The following DMD variants were observed in gnomAD, a reference collection of about 807,000 sequenced individuals.
DMD encodes dystrophin, also known as mutant dystrophin.
Under a neutral mutation model 330.1 loss-of-function variants are expected in DMD, and 63 were observed. The observed-to-expected ratio is 0.19, with a 90% confidence interval of 0.16 to 0.24. DMD has a LOEUF of 0.24. Ranked by LOEUF, DMD falls within the 10% of genes least tolerant of loss-of-function variation. The probability of loss-of-function intolerance (pLI) is 1.00; values close to 1 mark genes in which losing one functional copy is unlikely to be tolerated. For missense variants in DMD, 3,344 were observed against 2,684.1 expected (o/e 1.25, Z -5.43); for synonymous variants, 1,223 against 959.8 (o/e 1.27, Z -5.07).
chrX:32,532,694 G>A (rs1277731436), intron 17 of DMD, among the ~76,000 whole-genome samples: 1 of 111,977 alleles, frequency 8.9e-6, no homozygotes. Context: ...TTTTTAACTG[G>A]CTTTAAGCCC....
intron 67 of DMD, among the ~76,000 whole-genome samples, chrX:31,189,587 C>G (rs893392509): frequency 1.8e-5 from 2 of 111,509 alleles, no homozygotes; most frequent in African/African-American, 6.5e-5. Flanking sequence ...TCTCAGATAA[C>G]AAGAAACCAC....
chrX:32,853,082 G>A (rs965340364), intron 2 of DMD, among the ~76,000 whole-genome samples: 1 of 112,317 alleles, frequency 8.9e-6, no homozygotes, highest in Non-Finnish European at 1.9e-5. Context: ...AAGTGCTGAA[G>A]GAAAAGACCC....
chrX:32,648,055 C>G (rs1198590935), intron 9 of DMD, among the ~76,000 whole-genome samples: 1 of 111,904 alleles, frequency 8.9e-6, no homozygotes, highest in Non-Finnish European at 1.9e-5. Context: ...ATACTTTACA[C>G]TGTGCAATTT....
intron 44 of DMD, among the ~76,000 whole-genome samples, chrX:32,198,002 A>G (rs1049855208): frequency 8.9e-6 from 1 of 111,897 alleles, no homozygotes; most frequent in African/African-American, 3.2e-5. Context: ...GATTTTAAAA[A>G]AGGCGTTGTT....
At chrX:33,167,149 C>T (rs898783626) in intron 1 of DMD, among the ~76,000 whole-genome samples, 2 of 111,402 alleles carry the variant, frequency 1.8e-5, no homozygotes, top group East Asian at 5.6e-4. Context: ...TAGGAAACAA[C>T]GCTTGAATAA....
At chrX:31,551,198 G>T (rs868563439) in intron 55 of DMD, among the ~76,000 whole-genome samples, 3 of 79,875 alleles carry the variant, frequency 3.8e-5, no homozygotes, top group African/African-American at 1.1e-4. Flanking sequence ...AAAAAAAAAA[G>T]AGGTATTTAT....
At chrX:32,076,504 C>T (rs1233515293) in intron 44 of DMD, among the ~76,000 whole-genome samples, 2 of 108,266 alleles carry the variant, frequency 1.8e-5, no homozygotes, top group Non-Finnish European at 3.8e-5. Flanking sequence ...CTCAGCCTCC[C>T]GAGTAGCTGG....
intron 1 of DMD, among the ~76,000 whole-genome samples, chrX:33,030,208 G>A (rs1167063044): frequency 9.0e-6 from 1 of 111,600 alleles, no homozygotes; most frequent in Admixed American, 9.5e-5. Context: ...CTTCCCGTGG[G>A]TCTTCTGTAT....
chrX:32,017,080 G>A (rs1391189714), intron 44 of DMD, among the ~76,000 whole-genome samples: 1 of 111,756 alleles, frequency 8.9e-6, no homozygotes, highest in South Asian at 3.7e-4. Context: ...TTTTGGAAAC[G>A]GCTTTGTTTG....
intron 7 of DMD, among the ~76,000 whole-genome samples, chrX:32,720,577 A>C (rs2066191848): frequency 9.0e-6 from 1 of 111,591 alleles, no homozygotes; most frequent in Admixed American, 9.6e-5. Flanking sequence ...GCAAACTGAG[A>C]AAATCATTGT....
chrX:32,428,800 CG>C (rs2098223841), intron 29 of DMD, among the ~76,000 whole-genome samples: 1 of 111,011 alleles, frequency 9.0e-6, no homozygotes, highest in African/African-American at 3.3e-5. Flanking sequence ...TTAGCAGAGA[CG>C]GGGTTTCACC....
At chrX:32,250,717 T>C (rs945028400) in intron 43 of DMD, among the ~76,000 whole-genome samples, 1 of 112,041 alleles carries the variant, frequency 8.9e-6, no homozygotes, top group Non-Finnish European at 1.9e-5. Context: ...ATCACTGCTG[T>C]CTTAAGCTTA....
chrX:31,237,837 A>G (rs2047878886), intron 63 of DMD, among the ~76,000 whole-genome samples: 1 of 111,137 alleles, frequency 9.0e-6, no homozygotes, highest in Non-Finnish European at 1.9e-5. Flanking sequence ...CTTGTGCCTC[A>G]GCCTCCCAAG....
chrX:32,874,035 C>A (rs1297839510), intron 2 of DMD, among the ~76,000 whole-genome samples: 1 of 111,935 alleles, frequency 8.9e-6, no homozygotes, highest in Non-Finnish European at 1.9e-5. Flanking sequence ...ACATTTCTAA[C>A]AAAACCTCAA....
intron 11 of DMD, among the ~76,000 whole-genome samples, chrX:32,632,777 A>G (rs939256447): frequency 1.3e-4 from 15 of 111,942 alleles, no homozygotes; most frequent in Non-Finnish European, 2.8e-4. Flanking sequence ...GAGGTTGAAC[A>G]GGGCAGCTGG....
intron 57 of DMD, among the ~76,000 whole-genome samples, chrX:31,493,469 T>C (rs1356518791): frequency 9.0e-6 from 1 of 111,580 alleles, no homozygotes; most frequent in Non-Finnish European, 1.9e-5. Context: ...TATGAGTGGG[T>C]GGGTATAGGT....
At chrX:32,476,754 A>C (rs2041275868) in intron 21 of DMD, among the ~76,000 whole-genome samples, 1 of 111,707 alleles carries the variant, frequency 9.0e-6, no homozygotes, top group South Asian at 3.7e-4. Context: ...ACCCAAGGGC[A>C]AACACAGTAT....
intron 44 of DMD, among the ~76,000 whole-genome samples, chrX:32,016,032 C>T (rs1198015379): frequency 2.2e-4 from 24 of 111,175 alleles, no homozygotes; most frequent in Non-Finnish European, 1.9e-5. Flanking sequence ...TTAGTAATGT[C>T]GACATAAGGA....
At chrX:32,845,954 A>T (rs2080620435) in intron 3 of DMD, among the ~76,000 whole-genome samples, 1 of 111,949 alleles carries the variant, frequency 8.9e-6, no homozygotes, top group Non-Finnish European at 1.9e-5. Flanking sequence ...CAAAGCCCTC[A>T]CTCAAACATG....
Sources: gnomAD v4.1 joint callset for allele counts (sites outside exome capture counted in the v4.1 genomes callset) on GRCh38, gnomAD v4.1.1 for gene constraint, MANE v1.5 for transcripts, NCBI Gene and HGNC (gene_info 2026-07-23, HGNC 2026-07-21) for gene names.